FAM151B: variants seen among roughly 807,000 people sequenced by gnomAD.
FAM151B encodes family with sequence similarity 151 member B.
Under a neutral mutation model 31.2 loss-of-function variants are expected in FAM151B, and 24 were observed. That is an observed-to-expected ratio of 0.77 (90% CI 0.56 to 1.08). FAM151B has a LOEUF of 1.08. Among genes scored for constraint, FAM151B ranks in the 50% least tolerant of loss-of-function variants. The pLI is 0.00. For synonymous variants in FAM151B, 105 were observed against 111.4 expected, an observed-to-expected ratio of 0.94 and a Z score of 0.36; for missense variants, 293 against 328.6, an observed-to-expected ratio of 0.89 and a Z score of 0.84.
At chr5:80,525,599 G>A (rs1006188384) in intron 5 of FAM151B, among the ~76,000 whole-genome samples, 12 of 152,082 alleles carry the variant, frequency 7.9e-5, no homozygotes, top group African/African-American at 2.7e-4. Flanking sequence ...CTTCTCCAAC[G>A]GTCATCTAGA....
chr5:80,537,202 G>C (rs1745555714), intron 5 of FAM151B, among the ~76,000 whole-genome samples: 1 of 152,138 alleles, frequency 6.6e-6, no homozygotes, highest in South Asian at 2.1e-4. Context: ...GTGAGCCTCT[G>C]CCATTTTCCA....
chr5:80,494,281 G>A (rs1743422119), intron 1 of FAM151B, among the ~76,000 whole-genome samples: 1 of 152,142 alleles, frequency 6.6e-6, no homozygotes, highest in African/African-American at 2.4e-5. Context: ...GTTGATTCAT[G>A]AGGTTTAAGG....
intron 1 of FAM151B, among the ~76,000 whole-genome samples, chr5:80,490,605 T>C (rs1252980952): frequency 6.6e-6 from 1 of 152,238 alleles, no homozygotes; most frequent in Non-Finnish European, 1.5e-5. Flanking sequence ...GCTATTCTTC[T>C]ATTTTCTGTC....
At position 80,541,761 on chromosome 5, in the gene FAM151B, G is replaced by A. The variant is rs1445328690; in HGVS notation, c.760G>A (p.Val254Ile). The part of the protein sequence containing the change: ...YIRDHFDKKQ[V>I]FYDILEPQNH... ...TAGAGACCATTTTGACAAAAAACAA[G>A]TTTTCTATGACATCTTGGAACCACA... Residue 254 changes from valine (V) to isoleucine (I), a missense_variant, in exon 6 of 6, where the codon GTT becomes ATT. By Grantham distance (29) the Val-to-Ile change is conservative. Transcript: ENST00000282226. 2 of 1,613,496 alleles carry A rather than the reference G, an allele frequency of 1.2e-6. No individual in the cohort carries two copies. The highest frequency in any genetic ancestry group is 8.5e-7 in the Non-Finnish European group (1 of 1,179,768).
intron 5 of FAM151B, among the ~76,000 whole-genome samples, chr5:80,531,642 C>T (rs1040098973): frequency 5.9e-5 from 9 of 152,188 alleles, no homozygotes; most frequent in Admixed American, 5.9e-4. Context: ...AAAAAATGCT[C>T]ATCATCACTG....
chr5:80,504,169 C>G (rs1459036610), intron 2 of FAM151B, among the ~76,000 whole-genome samples: 3 of 152,212 alleles, frequency 2.0e-5, no homozygotes, highest in Non-Finnish European at 4.4e-5. Context: ...TGTGATCTTT[C>G]TTGTCTCAGG....
At chr5:80,512,608 C>G (rs965342241) in intron 2 of FAM151B, among the ~76,000 whole-genome samples, 4 of 100,942 alleles carry the variant, frequency 4.0e-5, no homozygotes, top group Non-Finnish European at 7.8e-5. Flanking sequence ...GACCCTGTCT[C>G]TACAACAGAT....
chr5:80,503,164 T>A (rs574826248), intron 2 of FAM151B, among the ~76,000 whole-genome samples: 9 of 152,038 alleles, frequency 5.9e-5, no homozygotes, highest in African/African-American at 1.9e-4. Context: ...ATGAAAAAAA[T>A]GATAGGAAAG....
Position 80,519,833 on chromosome 5 carries a change from C to T in FAM151B, c.458C>T (p.Thr153Ile). Residue 153 changes from threonine to isoleucine, a missense_variant, in exon 4 of 6, where the codon ACC (threonine) becomes ATC (isoleucine). Transcript: ENST00000282226. ...KVIDAKPFLD[T>I]VISFFPDVTF... ...ATAGATGCAAAACCATTTTTAGACA[C>T]CGTGATATCCTTCTTTCCAGACGTG... The T allele has an allele frequency of 6.2e-7, 1 of 1,614,116 alleles. No individual in the cohort carries two copies. Among genetic ancestry groups the T allele is most frequent in the Non-Finnish European group, 8.5e-7 (1 of 1,180,014 alleles).
intron 5 of FAM151B, among the ~76,000 whole-genome samples, chr5:80,527,926 C>T (rs1745045549): frequency 6.6e-6 from 1 of 152,162 alleles, no homozygotes; most frequent in Non-Finnish European, 1.5e-5. Context: ...GACTCTTTAG[C>T]AATAACACTT....
At chr5:80,522,239 AG>A (rs748741306) in intron 5 of FAM151B, 101 bp downstream of exon 5, 58 of 1,268,236 alleles carry the variant, frequency 4.6e-5, no homozygotes, top group Non-Finnish European at 6.2e-5. Flanking sequence ...TGTGAGAGAA[AG>A]GTAGACAGAA....
intron 1 of FAM151B, among the ~76,000 whole-genome samples, chr5:80,491,118 T>TC (rs1056535362): frequency 2.0e-5 from 3 of 152,168 alleles, no homozygotes; most frequent in Admixed American, 2.0e-4. Flanking sequence ...AATTAATATA[T>TC]CCATCACCTC....
intron 5 of FAM151B, among the ~76,000 whole-genome samples, chr5:80,535,394 A>G (rs1215188010): frequency 1.3e-5 from 2 of 152,196 alleles, no homozygotes; most frequent in African/African-American, 4.8e-5. Flanking sequence ...ACTGGCATAA[A>G]AACAGACACA....
chr5:80,533,971 T>C (rs1745373549), intron 5 of FAM151B, among the ~76,000 whole-genome samples: 1 of 152,104 alleles, frequency 6.6e-6, no homozygotes, highest in Non-Finnish European at 1.5e-5. Flanking sequence ...TAGTGGCTAC[T>C]GTGAGCAACT....
chr5:80,526,359 G>C (rs918305190), intron 5 of FAM151B, among the ~76,000 whole-genome samples: 1 of 151,648 alleles, frequency 6.6e-6, no homozygotes, highest in African/African-American at 2.4e-5. Flanking sequence ...TGTAATCCTA[G>C]CACTTTGGGA....
At position 80,501,797 on chromosome 5, in the gene FAM151B, T is replaced by G; in HGVS notation, c.31T>G (p.Trp11Gly). MAASAGGPGS[W>G]SENILEYFLR... ...TGTAAACACTGTTATTTTAGGATCT[T>G]GGAGTGAAAATATACTGGAATATTT... The change falls in exon 2 of 6, where the codon TGG (tryptophan) becomes GGG (glycine). Residue 11 changes from tryptophan to glycine, a missense_variant. Coordinates refer to ENST00000282226, the MANE Select transcript of FAM151B (RefSeq NM_205548.3). 6.3e-7 allele frequency: 1 copy of G among 1,598,420 alleles called. No individual in the cohort carries two copies. The highest frequency in any genetic ancestry group is 8.5e-7 in the Non-Finnish European group (1 of 1,170,820).
chr5:80,522,288 C>A, intron 5 of FAM151B, 150 bp downstream of exon 5: 1 of 722,152 alleles, frequency 1.4e-6, no homozygotes, highest in Non-Finnish European at 2.1e-6. Flanking sequence ...CACAGACTCC[C>A]TCACCGGATT....
At chr5:80,517,633 T>C (rs1049240087) in intron 3 of FAM151B, among the ~76,000 whole-genome samples, 1 of 152,230 alleles carries the variant, frequency 6.6e-6, no homozygotes, top group Non-Finnish European at 1.5e-5. Flanking sequence ...AATATTTACA[T>C]ATAAAATGGA....
chr5:80,522,002 G>T lies in FAM151B; in HGVS notation c.536-1G>T. ...GTTAAATTTTTTTCTTTTCTTTTAA[G>T]GGTACAGTTGGACAATGGTGAAAGA... On this transcript the variant is annotated splice_acceptor_variant, in intron 4 of 5. Transcript: ENST00000282226. LOFTEE classifies it high-confidence loss of function. 1 of 1,551,984 alleles carries T rather than the reference G, an allele frequency of 6.4e-7. No homozygotes were observed. Among genetic ancestry groups the T allele is most frequent in the Non-Finnish European group, 8.8e-7 (1 of 1,138,248 alleles).
Sources: gnomAD v4.1 joint callset for allele counts (sites outside exome capture counted in the v4.1 genomes callset) on GRCh38, gnomAD v4.1.1 for gene constraint, MANE v1.5 for transcripts, NCBI Gene and HGNC (gene_info 2026-07-23, HGNC 2026-07-21) for gene names.